Variants in DUSP11 observed in about 807,000 individuals in gnomAD.
DUSP11 encodes the protein RNA/RNP complex-1-interacting phosphatase.
Under a neutral mutation model 41.4 loss-of-function variants are expected in DUSP11, and 27 were observed. The ratio of observed to expected loss-of-function variants is 0.65; its 90% CI spans 0.48 to 0.90. DUSP11 has a LOEUF of 0.90. DUSP11 is among the 40% of genes least tolerant of loss of function. DUSP11 has a pLI of 0.00. For missense variants in DUSP11, 465 were observed against 461.1 expected (o/e 1.01, Z -0.08); for synonymous variants, 188 against 159.3 (o/e 1.18, Z -1.35).
At chr2:73,767,011 C>A (rs1017895281) in intron 6 of DUSP11, 108 bp from the exon 7 acceptor site, 15 of 1,202,580 alleles carry the variant, frequency 1.2e-5, no homozygotes, top group Middle Eastern at 1.9e-4. Flanking sequence ...CTCACTACTT[C>A]CACATACATC....
chr2:73,768,457 C>T, intron 5 of DUSP11: 2 of 985,186 alleles, frequency 2.0e-6, no homozygotes, highest in South Asian at 4.7e-5. Context: ...TAACTCAGTA[C>T]AGTGTGGCAA....
At chr2:73,767,183 C>T (rs1672481800) in exon 6 of DUSP11, 2 of 1,612,694 alleles carry the variant, frequency 1.2e-6, no homozygotes, top group Non-Finnish European at 1.7e-6. Flanking sequence ...CATCTGGCCT[C>T]ACGCCTTCTA....
chr2:73,766,887 C>T (rs755537505), exon 7 of DUSP11: 1 of 1,613,144 alleles, frequency 6.2e-7, no homozygotes, highest in Non-Finnish European at 8.5e-7. Context: ...AGCAATGTCC[C>T]CGGCACCTAT....
At chr2:73,779,552 A>G in intron 1 of DUSP11, 1 of 345,488 alleles carries the variant, frequency 2.9e-6, no homozygotes, top group South Asian at 4.1e-5. Flanking sequence ...CCAACGTAAC[A>G]AGGAATTGAG....
At chr2:73,762,477 C>T in exon 9 of DUSP11, 2 of 396,546 alleles carry the variant, frequency 5.0e-6, no homozygotes, top group East Asian at 3.7e-5. Flanking sequence ...ATTGTTTTTC[C>T]TGCAATGCTG....
chr2:73,774,999 C>T (rs1455057920), exon 3 of DUSP11: 1 of 1,612,268 alleles, frequency 6.2e-7, no homozygotes, highest in Non-Finnish European at 8.5e-7. Flanking sequence ...TTAAAAAGAT[C>T]CAAAGGGGAA....
At chr2:73,773,839 G>C (rs1284400912) in exon 4 of DUSP11, 4 of 1,606,980 alleles carry the variant, frequency 2.5e-6, no homozygotes, top group African/African-American at 1.3e-5. Context: ...TTAACAGCGT[G>C]TTTGAATTTA....
intron 5 of DUSP11, chr2:73,768,493 T>A (rs371871491): frequency 3.9e-5 from 38 of 985,272 alleles, no homozygotes; most frequent in Non-Finnish European, 4.3e-5. Flanking sequence ...TAACGACACA[T>A]ACTATTTGAT....
intron 4 of DUSP11, among the ~76,000 whole-genome samples, chr2:73,771,500 CT>C (rs1345290959): frequency 5.3e-4 from 77 of 146,268 alleles, no homozygotes; most frequent in South Asian, 4.3e-4. Flanking sequence ...CTTTTTTGTT[CT>C]TTTTTTTTTT....
chr2:73,776,597 C>T (rs1477917541), intron 2 of DUSP11, among the ~76,000 whole-genome samples: 1 of 152,056 alleles, frequency 6.6e-6, no homozygotes, highest in Non-Finnish European at 1.5e-5. Context: ...AACTCTGACA[C>T]ATCGTTATCA....
intron 8 of DUSP11, 65 bp downstream of exon 8, chr2:73,766,353 G>T: frequency 1.6e-5 from 21 of 1,292,610 alleles, no homozygotes; most frequent in Non-Finnish European, 2.1e-5. Context: ...ATCATAATGT[G>T]TTTTCATTAA....
At chr2:73,772,111 C>T (rs1280602858) in intron 4 of DUSP11, among the ~76,000 whole-genome samples, 1 of 152,204 alleles carries the variant, frequency 6.6e-6, no homozygotes, top group African/African-American at 2.4e-5. Context: ...TGAGCCACCG[C>T]GCCCAGCCTA....
At chr2:73,765,861 A>G (rs1672450450) in intron 8 of DUSP11, among the ~76,000 whole-genome samples, 1 of 151,856 alleles carries the variant, frequency 6.6e-6, no homozygotes, top group Non-Finnish European at 1.5e-5. Flanking sequence ...GCCACATCAA[A>G]CTCTTGGCTT....
intron 8 of DUSP11, among the ~76,000 whole-genome samples, chr2:73,764,209 C>T (rs1360493511): frequency 6.6e-6 from 1 of 152,026 alleles, no homozygotes; most frequent in African/African-American, 2.4e-5. Flanking sequence ...CTTCAAAAGG[C>T]TTATACCAAT....
In DUSP11 at chr2:73,766,466, G is replaced by A. The variant is rs116238730; in HGVS notation, c.887C>T (p.Ala296Val). ...GGTCTGGGTGTGGAAATGTCGAGGA[G>A]CTGAGTGACCCTGGATCTGATGTAG... Residue 296 changes from alanine to valine, a missense_variant, in exon 8 of 9, where the codon GCT (alanine) becomes GTT (valine). Coordinates refer to ENST00000272444, the Ensembl canonical transcript of DUSP11. 1,733 of 1,613,964 alleles carry A rather than the reference G, an allele frequency of 1.1e-3. 17 individuals carry two copies. In the African/African-American group the frequency reaches 0.02, roughly 19 times the overall value.
intron 4 of DUSP11, among the ~76,000 whole-genome samples, chr2:73,771,718 G>A (rs1340225241): frequency 6.8e-6 from 1 of 146,512 alleles, no homozygotes; most frequent in African/African-American, 2.5e-5. Flanking sequence ...TAGTCAGGAT[G>A]GTCTCGATCT....
At chr2:73,779,216 C>G (rs1672744675) in intron 1 of DUSP11, among the ~76,000 whole-genome samples, 1 of 152,164 alleles carries the variant, frequency 6.6e-6, no homozygotes, top group East Asian at 1.9e-4. Flanking sequence ...TAGAACCCCA[C>G]TGCAATAAGT....
chr2:73,766,742 C>T, intron 7 of DUSP11, 86 bp downstream of exon 7: 1 of 1,373,460 alleles, frequency 7.3e-7, no homozygotes, highest in Non-Finnish European at 1.0e-6. Context: ...AAACAAGCTA[C>T]CAGAAGAATG....
chr2:73,766,367 T>C (rs753655561), intron 8 of DUSP11, 51 bp downstream of exon 8: 49 of 1,451,816 alleles, frequency 3.4e-5, no homozygotes, highest in Middle Eastern at 1.9e-4. Flanking sequence ...TCATTAACTA[T>C]AGTATTAATT....
Sources: allele counts gnomAD v4.1 joint callset (sites outside exome capture counted in the v4.1 genomes callset), GRCh38; gene constraint gnomAD v4.1.1; transcripts MANE v1.5; gene names NCBI Gene and HGNC (gene_info 2026-07-23, HGNC 2026-07-21).